The following TSPAN9 variants were observed in gnomAD, a reference collection of about 807,000 sequenced individuals.
TSPAN9 encodes the protein tetraspanin-9.
A neutral mutation model predicts 31.0 loss-of-function variants in TSPAN9; 16 were observed. The observed-to-expected ratio is 0.52, with a 90% CI of 0.35 to 0.78. The LOEUF (loss-of-function observed/expected upper bound fraction) is 0.78. Among genes scored for constraint, TSPAN9 ranks in the 30% least tolerant of loss-of-function variants. TSPAN9 has a pLI of 0.01. For missense variants in TSPAN9, 272 were observed against 312.5 expected (o/e 0.87, Z 0.98); for synonymous variants, 145 against 121.6 (o/e 1.19, Z -1.27).
intron 2 of TSPAN9, among the ~76,000 whole-genome samples, chr12:3,108,349 C>A (rs2098315709): frequency 6.6e-6 from 1 of 152,216 alleles, no homozygotes; most frequent in Admixed American, 6.5e-5. Flanking sequence ...AGCTAGGTTC[C>A]AGCCCCCCGT....
At chr12:3,253,105 G>A (rs982235049) in intron 3 of TSPAN9, among the ~76,000 whole-genome samples, 1 of 152,090 alleles carries the variant, frequency 6.6e-6, no homozygotes. Flanking sequence ...GTGCTCCTGT[G>A]TCCTCGGGGG....
At chr12:3,104,313 TA>T (rs1394418464) in intron 2 of TSPAN9, among the ~76,000 whole-genome samples, 1 of 151,470 alleles carries the variant, frequency 6.6e-6, no homozygotes, top group African/African-American at 2.4e-5. Context: ...AGAAAATCGG[TA>T]AGTGACAGTA....
At chr12:3,151,949 G>A (rs775449027) in intron 2 of TSPAN9, among the ~76,000 whole-genome samples, 4 of 152,052 alleles carry the variant, frequency 2.6e-5, no homozygotes, top group Non-Finnish European at 4.4e-5. Context: ...ACACACAGCC[G>A]ATCTTTGGAA....
At chr12:3,200,980 G>A (rs1444227939) in intron 2 of TSPAN9, 197 bp from the exon 3 acceptor site, 1 of 571,952 alleles carries the variant, frequency 1.7e-6, no homozygotes, top group Non-Finnish European at 3.1e-6. Context: ...TGGACAGCAA[G>A]GACTCGGACT....
chr12:3,103,440 G>A (rs11062500), intron 2 of TSPAN9, among the ~76,000 whole-genome samples: 30,664 of 144,006 alleles, frequency 0.21, 3,889 homozygotes, highest in South Asian at 0.38. Context: ...CACTTCTGGT[G>A]TGCAGGCAGG....
chr12:3,174,829 G>T (rs187046892), intron 2 of TSPAN9, among the ~76,000 whole-genome samples: 22,068 of 151,190 alleles, frequency 0.15, 1,798 homozygotes, highest in African/African-American at 0.2. Context: ...TGATCCTCCC[G>T]CCTCGGCCTC....
rs1591646487 is a variant in TSPAN9, at chr12:3,143,830, C to T, written c.-17-57347C>T. ...AGATGCTCCGGGTCGTGTTATGTTT[C>T]TCCTGCCCCAGGCCTGAATCAATCA... On this transcript the variant is annotated intron_variant, in intron 2 of 8. Transcript: ENST00000011898. This position sits in a 1 kb window ranked among gnomAD's most constrained non-coding sequence, Gnocchi z 4.2. Among the ~76,000 whole-genome samples the T allele has an allele frequency of 6.6e-6, 1 of 152,188 alleles. No homozygotes were observed. Among genetic ancestry groups the T allele is most frequent in the Non-Finnish European group, 1.5e-5 (1 of 68,036 alleles).
At chr12:3,165,321 T>C (rs568492337) in intron 2 of TSPAN9, among the ~76,000 whole-genome samples, 76 of 152,204 alleles carry the variant, frequency 5.0e-4, no homozygotes, top group African/African-American at 1.6e-3. Context: ...GTGGGGAAAA[T>C]AGAGGGATTT....
Position 3,278,593 on chromosome 12 carries a change from AC to A in TSPAN9, c.237del (p.Asn79LysfsTer17), listed in dbSNP as rs1862838306. The A allele has an allele frequency of 6.2e-7, 1 of 1,613,922 alleles. No homozygotes were observed. The highest frequency in any genetic ancestry group is 1.7e-5 in the Admixed American group (1 of 59,998). ...GGCTGCCTGGGGGCCATCAAGGAAA[AC>A]AAGTGCCTCCTCCTCAGCGTAAGTT... is the stretch of plus-strand genomic sequence containing the variant. ...FLGCLGAIKE[N>X]KCLLLSFFIV... On this transcript the variant is annotated frameshift_variant, in exon 4 of 9. Coordinates refer to ENST00000011898, the MANE Select transcript of TSPAN9 (RefSeq NM_006675.5). LOFTEE classifies it high-confidence loss of function.
chr12:3,217,842 C>T (rs567628733), intron 3 of TSPAN9, among the ~76,000 whole-genome samples: 1 of 152,212 alleles, frequency 6.6e-6, no homozygotes, highest in South Asian at 2.1e-4. Context: ...GAGCTTGCTT[C>T]TCGGTGTCAC....
chr12:3,100,603 C>T (rs1018993726), intron 2 of TSPAN9, among the ~76,000 whole-genome samples: 5 of 152,140 alleles, frequency 3.3e-5, no homozygotes, highest in African/African-American at 1.2e-4. Flanking sequence ...TTAGGTGGGA[C>T]GGTAAGTCCA....
At chr12:3,132,510 GA>G in intron 2 of TSPAN9, among the ~76,000 whole-genome samples, 1 of 151,594 alleles carries the variant, frequency 6.6e-6, no homozygotes, top group South Asian at 2.1e-4. Flanking sequence ...TGCATTCCCT[GA>G]TGGACCATGA....
intron 2 of TSPAN9, among the ~76,000 whole-genome samples, chr12:3,092,538 G>A (rs1255247053): frequency 6.6e-6 from 1 of 152,198 alleles, no homozygotes; most frequent in Non-Finnish European, 1.5e-5. Context: ...TCTGAAGGCA[G>A]CAAGACAAGT....
chr12:3,133,558 C>T, intron 2 of TSPAN9, among the ~76,000 whole-genome samples: 1 of 152,144 alleles, frequency 6.6e-6, no homozygotes, highest in South Asian at 2.1e-4. Flanking sequence ...AGTCATCTTC[C>T]CCCCACCCTC....
chr12:3,129,335 CAT>C (rs765049073), intron 2 of TSPAN9, among the ~76,000 whole-genome samples: 7 of 152,190 alleles, frequency 4.6e-5, no homozygotes, highest in Admixed American at 2.6e-4. Flanking sequence ...AGTAATGTGA[CAT>C]GTGTTTTCCG....
chr12:3,202,417 C>T (rs1013528833), intron 3 of TSPAN9, among the ~76,000 whole-genome samples: 4 of 152,118 alleles, frequency 2.6e-5, no homozygotes, highest in African/African-American at 9.7e-5. Context: ...CCACATTAGC[C>T]GAAACACTTT....
intron 3 of TSPAN9, among the ~76,000 whole-genome samples, chr12:3,225,276 G>C (rs1217327512): frequency 2.0e-5 from 3 of 152,060 alleles, no homozygotes; most frequent in African/African-American, 7.2e-5. Flanking sequence ...TTTTCTCCTG[G>C]TGTCTCTGTA....
At chr12:3,210,139 A>AG (rs2098377816) in intron 3 of TSPAN9, among the ~76,000 whole-genome samples, 1 of 151,594 alleles carries the variant, frequency 6.6e-6, no homozygotes, top group African/African-American at 2.4e-5. Flanking sequence ...GTCTCAAAAA[A>AG]AAAAAAAAGA....
intron 2 of TSPAN9, among the ~76,000 whole-genome samples, chr12:3,194,554 T>G (rs2098366162): frequency 6.6e-6 from 1 of 152,060 alleles, no homozygotes; most frequent in South Asian, 2.1e-4. Flanking sequence ...ACCCAGCTAA[T>G]TTTTGTATTT....
Sources: gnomAD v4.1 joint callset for allele counts (sites outside exome capture counted in the v4.1 genomes callset) on GRCh38, gnomAD v4.1.1 for gene constraint, Gnocchi (gnomAD v3.1) non-coding constraint, MANE v1.5 for transcripts, NCBI Gene and HGNC (gene_info 2026-07-23, HGNC 2026-07-21) for gene names.